DENND4C: variants seen among roughly 807,000 people sequenced by gnomAD.
The protein encoded by DENND4C is DENN domain-containing protein 4C.
A neutral mutation model predicts 203.0 loss-of-function variants in DENND4C; 108 were observed. The observed-to-expected ratio is 0.53, with a 90% CI of 0.46 to 0.62. The LOEUF (loss-of-function observed/expected upper bound fraction) is 0.62, where lower values mean the gene tolerates loss of function less well. DENND4C is among the 20% of genes least tolerant of loss of function. The probability of loss-of-function intolerance (pLI) is 0.00; values close to 1 mark genes in which losing one functional copy is unlikely to be tolerated. For synonymous variants in DENND4C, 871 were observed against 792.4 expected, an observed-to-expected ratio of 1.10 and a Z score of -1.67; for missense variants, 2,481 against 2,301.2, an observed-to-expected ratio of 1.08 and a Z score of -1.60.
At chr9:19,329,245 G>C (rs139481277) in intron 16 of DENND4C, among the ~76,000 whole-genome samples, 91 of 152,200 alleles carry the variant, frequency 6.0e-4, no homozygotes, top group African/African-American at 2.0e-3. Flanking sequence ...GCAGCCCTAG[G>C]CAACCACAAG....
intron 1 of DENND4C, among the ~76,000 whole-genome samples, chr9:19,264,599 G>C (rs1009094004): frequency 6.6e-6 from 1 of 152,134 alleles, no homozygotes; most frequent in Non-Finnish European, 1.5e-5. Flanking sequence ...TAGCCACCAT[G>C]CCTGGCCAGT....
At chr9:19,361,376 G>T (rs1375561143) in intron 29 of DENND4C, among the ~76,000 whole-genome samples, 6 of 152,126 alleles carry the variant, frequency 3.9e-5, no homozygotes, top group Non-Finnish European at 5.9e-5. Context: ...CTTATACTGG[G>T]ATCCTGATTC....
intron 1 of DENND4C, among the ~76,000 whole-genome samples, chr9:19,239,115 T>G (rs1328918150): frequency 6.6e-6 from 1 of 152,166 alleles, no homozygotes. Flanking sequence ...ATTTCTGCAT[T>G]TTATGTTTTT....
rs1350970100 is a variant in DENND4C at position 19,296,240 on chromosome 9, T to C, written c.1034T>C (p.Ile345Thr). The change falls in exon 6 of 33, where the codon ATT (isoleucine) becomes ACT (threonine). Residue 345 changes from isoleucine (I) to threonine (T), a missense_variant. Around this residue, in one of 3 missense-constraint regions of DENND4C, gnomAD observed 2,289 missense variants for 2,113.3 expected, o/e 1.08. Coordinates refer to ENST00000434457, the MANE Select transcript of DENND4C (RefSeq NM_001330640.2). ...LSVSGPHPLPIEKHISHFMQN... is the reference protein window; with the variant it reads ...LSVSGPHPLPTEKHISHFMQN... The stretch of plus-strand genomic sequence containing the variant: ...GTGTCTGGACCACATCCTCTTCCCA[T>C]TGAAAAGTATGTATAATGATTAGAA... The C allele has an allele frequency of 6.3e-7, 1 of 1,592,138 alleles. No homozygotes were observed.
chr9:19,367,522 G>A (rs1827936471), intron 30 of DENND4C, among the ~76,000 whole-genome samples: 1 of 152,360 alleles, frequency 6.6e-6, no homozygotes, highest in Non-Finnish European at 1.5e-5. Flanking sequence ...GATCACTTGA[G>A]GTCAGGAGTT....
intron 17 of DENND4C, among the ~76,000 whole-genome samples, chr9:19,334,681 A>G (rs1820040319): frequency 6.6e-6 from 1 of 151,636 alleles, no homozygotes; most frequent in Non-Finnish European, 1.5e-5. Context: ...ATGCACCACC[A>G]TGCCCATCTA....
intron 6 of DENND4C, among the ~76,000 whole-genome samples, chr9:19,297,821 G>A (rs1188701960): frequency 6.6e-6 from 1 of 151,986 alleles, no homozygotes; most frequent in Admixed American, 6.6e-5. Context: ...TATTTGTTGG[G>A]TAATGATAGG....
chr9:19,295,785 A>T (rs1837349115), intron 5 of DENND4C, among the ~76,000 whole-genome samples: 1 of 152,172 alleles, frequency 6.6e-6, no homozygotes. Flanking sequence ...TTTTTGTATA[A>T]GATACATAGT....
At chr9:19,301,754 T>C (rs1160172390) in intron 9 of DENND4C, among the ~76,000 whole-genome samples, 1 of 152,240 alleles carries the variant, frequency 6.6e-6, no homozygotes, top group East Asian at 1.9e-4. Flanking sequence ...CTGGCCAACA[T>C]GGTGAAACTC....
chr9:19,271,100 C>T (rs1831554135), intron 1 of DENND4C, among the ~76,000 whole-genome samples: 1 of 151,882 alleles, frequency 6.6e-6, no homozygotes, highest in Non-Finnish European at 1.5e-5. Context: ...CAGAGATTAA[C>T]CTTGTTCATG....
chr9:19,327,634 T>G, intron 15 of DENND4C, among the ~76,000 whole-genome samples: 1 of 151,996 alleles, frequency 6.6e-6, no homozygotes, highest in Non-Finnish European at 1.5e-5. Context: ...ATAAAAATTT[T>G]ATGGATTTTT....
intron 1 of DENND4C, among the ~76,000 whole-genome samples, chr9:19,234,190 A>G: frequency 6.6e-6 from 1 of 152,102 alleles, no homozygotes; most frequent in Non-Finnish European, 1.5e-5. Context: ...TCCATAGCTT[A>G]ACATTTTAGT....
chr9:19,264,365 G>C (rs1011819815), intron 1 of DENND4C, among the ~76,000 whole-genome samples: 7 of 151,808 alleles, frequency 4.6e-5, no homozygotes, highest in Admixed American at 4.6e-4. Context: ...AGAATGCAGT[G>C]GCGCAATTTC....
chr9:19,276,904 A>G (rs2130922353), intron 2 of DENND4C, among the ~76,000 whole-genome samples: 1 of 152,180 alleles, frequency 6.6e-6, no homozygotes, highest in Admixed American at 6.6e-5. Flanking sequence ...CCTATTTTAA[A>G]TACAGTTGTA....
In DENND4C at chr9:19,357,039, T is replaced by A; in HGVS notation, c.4849T>A (p.Ser1617Thr). The A allele has an allele frequency of 6.2e-7, 1 of 1,614,004 alleles. No homozygotes were observed. Among genetic ancestry groups the A allele is most frequent in the South Asian group, 1.1e-5 (1 of 91,084 alleles). The stretch of plus-strand genomic sequence containing the variant: ...TGGAAGCATTCCATTGGCAAATGAA[T>A]CCTTGGAGCACAAACCTGTATCCAG... ...QSGSIPLANE[S>T]LEHKPVSSLA... The change falls in exon 27 of 33, where the codon TCC (serine) becomes ACC (threonine). Residue 1617 changes from serine (S) to threonine (T), a missense_variant. Transcript: ENST00000434457.
chr9:19,243,449 A>G (rs1380216997), intron 1 of DENND4C, among the ~76,000 whole-genome samples: 1 of 152,212 alleles, frequency 6.6e-6, no homozygotes, highest in Non-Finnish European at 1.5e-5. Context: ...GTATTACCAC[A>G]AACTAAATGT....
chr9:19,315,945 C>G (rs183185155), intron 10 of DENND4C, among the ~76,000 whole-genome samples: 2 of 152,084 alleles, frequency 1.3e-5, no homozygotes, highest in East Asian at 3.9e-4. Context: ...TTTATTGTTT[C>G]ATGATCATAG....
intron 1 of DENND4C, among the ~76,000 whole-genome samples, chr9:19,270,114 A>G (rs1396238964): frequency 6.6e-6 from 1 of 152,108 alleles, no homozygotes; most frequent in Non-Finnish European, 1.5e-5. Flanking sequence ...TCCCCCAAAC[A>G]AATGGCATCG....
chr9:19,276,416 A>G lies in DENND4C; in HGVS notation c.242A>G (p.Lys81Arg). 8 of 1,232,144 alleles carry G rather than the reference A, an allele frequency of 6.5e-6. No individual in the cohort carries two copies. Among genetic ancestry groups the G allele is most frequent in the Non-Finnish European group, 8.1e-6 (8 of 987,944 alleles). The allele number at this position is 1,232,144 out of a possible 1,614,324, so 76.3% of individuals were successfully genotyped here. A position where few individuals can be genotyped will look rare whatever the true frequency, so the allele number is the denominator to read the frequency against. Residue 81 changes from lysine to arginine, a missense_variant, in exon 2 of 33, where the codon AAA (lysine) becomes AGA (arginine). This residue lies in a region of DENND4C where 187 missense variants were observed against 167.4 expected (regional missense o/e 1.12). Transcript: ENST00000434457. ...LQANLNYGSL[K>R]SPELFLCYKR... ...GCAAACTTGAACTATGGAAGTCTGA[A>G]AAGCCCAGAACTTTTCCTCTGTTAT...
Sources: gnomAD v4.1 joint callset for allele counts (sites outside exome capture counted in the v4.1 genomes callset) on GRCh38, gnomAD v4.1.1 for gene constraint, gnomAD v4.1.1 regional missense constraint, MANE v1.5 for transcripts, NCBI Gene and HGNC (gene_info 2026-07-23, HGNC 2026-07-21) for gene names.